Variants in BPI observed in about 807,000 individuals in gnomAD.
BPI encodes the protein bactericidal permeability-increasing protein.
A neutral mutation model predicts 57.6 loss-of-function variants in BPI; 48 were observed. The observed-to-expected ratio is 0.83, with a 90% confidence interval of 0.66 to 1.06. The LOEUF (loss-of-function observed/expected upper bound fraction) is 1.06, where lower values mean the gene tolerates loss of function less well. Ranked by LOEUF, BPI falls within the 50% of genes least tolerant of loss-of-function variation. The probability of loss-of-function intolerance (pLI) is 0.00; values close to 1 mark genes in which losing one functional copy is unlikely to be tolerated. For synonymous variants in BPI, 237 were observed against 238.2 expected (o/e 0.99, Z 0.05); for missense variants, 651 against 609.7 (o/e 1.07, Z -0.71).
chr20:38,314,850 AGATGAT>A (rs112026634), intron 5 of BPI, among the ~76,000 whole-genome samples: 64,412 of 136,802 alleles, frequency 0.47, 14,533 homozygotes, highest in East Asian at 0.74. Context: ...GTAATGGTGG[AGATGAT>A]GATGATGATG....
At chr20:38,336,646 T>C (rs2076768851) in intron 14 of BPI, among the ~76,000 whole-genome samples, 1 of 152,070 alleles carries the variant, frequency 6.6e-6, no homozygotes, top group Non-Finnish European at 1.5e-5. Flanking sequence ...ACCAGGGAGC[T>C]AATTAATGGG....
rs766172249 is a variant in BPI at position 38,327,615 on chromosome 20, G to A, written c.1189G>A (p.Ala397Thr). The A allele has an allele frequency of 2.9e-5, 47 of 1,613,410 alleles. No individual in the cohort carries two copies. Among genetic ancestry groups the A allele is most frequent in the Middle Eastern group, 1.7e-4 (1 of 5,868 alleles). The change falls in exon 11 of 15, where the codon GCC (alanine) becomes ACC (threonine). Residue 397 changes from alanine to threonine, a missense_variant. Coordinates refer to ENST00000642449, the MANE Select transcript of BPI (RefSeq NM_001725.3). ...MHTTGSMEVS[A>T]ESNRLVGELK... Reference sequence around the variant, plus strand: ...CACAACTGGTTCCATGGAGGTCAGCGCCGAGTCCAACAGGCTTGTTGGAGA... The same window carrying A: ...CACAACTGGTTCCATGGAGGTCAGCACCGAGTCCAACAGGCTTGTTGGAGA...
intron 2 of BPI, 56 bp downstream of exon 2, chr20:38,307,737 C>T: frequency 1.4e-6 from 2 of 1,392,756 alleles, no homozygotes; most frequent in Non-Finnish European, 2.0e-6. Context: ...GTTCTGGGGA[C>T]ACCAAGAGCT....
intron 3 of BPI, among the ~76,000 whole-genome samples, chr20:38,310,221 A>T (rs562304725): frequency 6.6e-6 from 1 of 152,206 alleles, no homozygotes; most frequent in Non-Finnish European, 1.5e-5. Context: ...GGTAAGAAAC[A>T]TGCCCAAGGC....
At chr20:38,307,869 T>A (rs924908859) in intron 2 of BPI, among the ~76,000 whole-genome samples, 188 bp downstream of exon 2, 4 of 152,070 alleles carry the variant, frequency 2.6e-5, no homozygotes, top group African/African-American at 9.7e-5. Flanking sequence ...AAACCACGAC[T>A]CCCAGGAAGT....
chr20:38,312,751 T>C (rs753142401), intron 5 of BPI, among the ~76,000 whole-genome samples: 1 of 136,262 alleles, frequency 7.3e-6, no homozygotes, highest in Non-Finnish European at 1.6e-5. Context: ...GGTTTCCTTG[T>C]TAAAGACACT....
At chr20:38,322,463 C>G (rs150290407) in intron 7 of BPI, among the ~76,000 whole-genome samples, 1 of 152,310 alleles carries the variant, frequency 6.6e-6, no homozygotes, top group African/African-American at 2.4e-5. Context: ...TCCCAGGTCC[C>G]TGGTTCTAAG....
intron 7 of BPI, among the ~76,000 whole-genome samples, chr20:38,322,351 T>C (rs971327336): frequency 1.3e-5 from 2 of 152,194 alleles, no homozygotes; most frequent in African/African-American, 4.8e-5. Flanking sequence ...GACCAAAAGA[T>C]TAAAACAATA....
chr20:38,304,501 T>A, intron 1 of BPI, 148 bp downstream of exon 1: 1 of 1,174,708 alleles, frequency 8.5e-7, no homozygotes, highest in South Asian at 1.5e-5. Context: ...ATGAAGAAAC[T>A]GAGGCAAAGC....
At position 38,331,105 on chromosome 20, in the gene BPI, C is replaced by T. The variant is rs775943579; in HGVS notation, c.1272+15C>T. On this transcript the variant is annotated intron_variant, in intron 12 of 14. Coordinates refer to ENST00000642449, the MANE Select transcript of BPI (RefSeq NM_001725.3). ...GCCCCTTCCCGGTGAGTCTGAGGCCCTTGGTGGCTTCTTCCTCCTTCTGAC... is the reference window on the plus strand; with the variant it reads ...GCCCCTTCCCGGTGAGTCTGAGGCCTTTGGTGGCTTCTTCCTCCTTCTGAC... 3.7e-6 allele frequency: 6 copies of T among 1,613,670 alleles called. No individual in the cohort carries two copies. The highest frequency in any genetic ancestry group is 5.1e-6 in the Non-Finnish European group (6 of 1,179,620).
intron 5 of BPI, among the ~76,000 whole-genome samples, chr20:38,315,393 C>T (rs990091125): frequency 6.6e-6 from 1 of 152,104 alleles, no homozygotes; most frequent in Non-Finnish European, 1.5e-5. Context: ...GGGAATACAG[C>T]ATGTAGGGCT....
chr20:38,325,924 T>C (rs2076710543), intron 9 of BPI, among the ~76,000 whole-genome samples: 1 of 152,094 alleles, frequency 6.6e-6, no homozygotes, highest in South Asian at 2.1e-4. Context: ...AAGTAACATC[T>C]GCAGAGACCT....
chr20:38,329,771 G>A (rs1391020132), intron 11 of BPI, among the ~76,000 whole-genome samples: 1 of 152,022 alleles, frequency 6.6e-6, no homozygotes, highest in African/African-American at 2.4e-5. Flanking sequence ...GGTGTGCAGT[G>A]GCATGATCTC....
rs371618185 is a variant in BPI, at chr20:38,324,845, C to A, written c.993+12C>A. 29 of 1,606,812 alleles carry A rather than the reference C, an allele frequency of 1.8e-5. No individual in the cohort carries two copies. Among genetic ancestry groups the A allele is most frequent in the Non-Finnish European group, 2.5e-5 (29 of 1,173,434 alleles). On this transcript the variant is annotated intron_variant, in intron 9 of 14. Coordinates refer to ENST00000642449, the MANE Select transcript of BPI (RefSeq NM_001725.3). ...CCTTCCTACCTGAGGTATGGAAGAC[C>A]TTGCTTTCCTTTAGTGAGCCCCGGG...
At chr20:38,319,632 GA>G (rs2076670973) in intron 6 of BPI, among the ~76,000 whole-genome samples, 1 of 152,212 alleles carries the variant, frequency 6.6e-6, no homozygotes, top group East Asian at 1.9e-4. Flanking sequence ...TGCTAACTGA[GA>G]AAAGGGATAT....
chr20:38,313,917 A>T (rs111067087), intron 5 of BPI, among the ~76,000 whole-genome samples: 66,278 of 147,030 alleles, frequency 0.45, 15,026 homozygotes, highest in East Asian at 0.74. Context: ...TGAGGATGAT[A>T]ATGATGATGG....
intron 3 of BPI, among the ~76,000 whole-genome samples, chr20:38,309,479 T>A (rs13039113): frequency 0.32 from 48,786 of 152,026 alleles, 9,253 homozygotes; most frequent in Non-Finnish European, 0.42. Context: ...TCCACCTGTG[T>A]CTCCTCCTCC....
chr20:38,327,899 C>T (rs2076721710), intron 11 of BPI, among the ~76,000 whole-genome samples: 2 of 152,164 alleles, frequency 1.3e-5, no homozygotes, highest in African/African-American at 4.8e-5. Flanking sequence ...TCTCAGCTTA[C>T]CCATAAATGT....
chr20:38,333,012 G>A (rs905923424), intron 12 of BPI, among the ~76,000 whole-genome samples: 2 of 151,994 alleles, frequency 1.3e-5, no homozygotes, highest in Admixed American at 6.6e-5. Context: ...TTAGATTCCC[G>A]AGATGCCCCC....
Sources: gnomAD v4.1 joint callset for allele counts (sites outside exome capture counted in the v4.1 genomes callset) on GRCh38, gnomAD v4.1.1 for gene constraint, MANE v1.5 for transcripts, NCBI Gene and HGNC (gene_info 2026-07-23, HGNC 2026-07-21) for gene names.